Variants in FRMD4B observed in about 807,000 individuals in gnomAD.
FRMD4B encodes FERM domain containing 4B, also known as FERM domain-containing protein 4B.
FRMD4B carries 74 observed loss-of-function variants against 141.5 expected under a neutral mutation model. The observed-to-expected ratio is 0.52, with a 90% CI of 0.43 to 0.63. The LOEUF (loss-of-function observed/expected upper bound fraction) is 0.63. Ranked by LOEUF, FRMD4B falls within the 30% of genes least tolerant of loss-of-function variation. The pLI is 0.00. For missense variants in FRMD4B, 1,366 were observed against 1,253.4 expected (o/e 1.09, Z -1.36); for synonymous variants, 506 against 467.9 (o/e 1.08, Z -1.05).
chr3:69,379,646 T>C (rs1175395650), intron 1 of FRMD4B, among the ~76,000 whole-genome samples: 1 of 152,226 alleles, frequency 6.6e-6, no homozygotes, highest in Non-Finnish European at 1.5e-5. Flanking sequence ...GATAGAATTA[T>C]GGACTTTTCT....
intron 5 of FRMD4B, among the ~76,000 whole-genome samples, chr3:69,269,915 C>A (rs1050558429): frequency 6.6e-6 from 1 of 152,328 alleles, no homozygotes; most frequent in East Asian, 1.9e-4. Flanking sequence ...CCACTGTGCC[C>A]GGCCTCATGT....
At chr3:69,349,024 A>G (rs1159380999) in intron 1 of FRMD4B, among the ~76,000 whole-genome samples, 1 of 152,242 alleles carries the variant, frequency 6.6e-6, no homozygotes, top group South Asian at 2.1e-4. Flanking sequence ...GAAAAGAGGA[A>G]GTCAAATTGT....
At chr3:69,207,539 G>A (rs915764593) in intron 11 of FRMD4B, among the ~76,000 whole-genome samples, 6 of 151,886 alleles carry the variant, frequency 4.0e-5, no homozygotes, top group South Asian at 2.1e-4. Context: ...GTCAGGCACC[G>A]TGGCTCATGC....
intron 7 of FRMD4B, among the ~76,000 whole-genome samples, chr3:69,230,747 C>T (rs1430428926): frequency 2.1e-5 from 3 of 145,784 alleles, no homozygotes; most frequent in African/African-American, 7.7e-5. Context: ...GACTCTGCCT[C>T]GAAAAAAAAA....
chr3:69,419,248 A>G (rs561473282), intron 2 of FRMD4B, among the ~76,000 whole-genome samples: 2 of 152,334 alleles, frequency 1.3e-5, no homozygotes, highest in South Asian at 2.1e-4. Flanking sequence ...AATAAATTCA[A>G]TGAAGATGAA....
intron 2 of FRMD4B, among the ~76,000 whole-genome samples, chr3:69,410,114 C>A (rs551524727): frequency 3.9e-5 from 6 of 152,324 alleles, no homozygotes; most frequent in African/African-American, 1.4e-4. Context: ...AGACCCCTGG[C>A]TTGCTTCCCT....
chr3:69,514,572 C>T (rs1700720528), intron 1 of FRMD4B, among the ~76,000 whole-genome samples: 1 of 151,998 alleles, frequency 6.6e-6, no homozygotes. Flanking sequence ...CCTGTTGTCC[C>T]AGCTACTCAG....
At chr3:69,503,218 A>T (rs1706531797) in intron 1 of FRMD4B, among the ~76,000 whole-genome samples, 1 of 152,160 alleles carries the variant, frequency 6.6e-6, no homozygotes, top group African/African-American at 2.4e-5. Context: ...TCATGCTGCT[A>T]TAAAGACATA....
intron 1 of FRMD4B, among the ~76,000 whole-genome samples, chr3:69,528,368 T>C (rs1384067699): frequency 3.4e-5 from 5 of 147,826 alleles, no homozygotes; most frequent in African/African-American, 1.3e-4. Flanking sequence ...CTCTCTCTCT[T>C]TTTTTTCTTT....
Position 69,247,675 on chromosome 3 carries a change from G to A in FRMD4B, c.581+1551C>T, listed in dbSNP as rs571938691. Among the ~76,000 whole-genome samples the A allele has an allele frequency of 1.4e-4, 21 of 152,156 alleles. 1 individual carries two copies. The highest frequency in any genetic ancestry group is 4.8e-4 in the African/African-American group (20 of 41,522). On this transcript the variant is annotated intron_variant, in intron 7 of 22. Coordinates refer to ENST00000398540, the MANE Select transcript of FRMD4B (RefSeq NM_015123.3). Reference sequence around the variant, plus strand: ...CTAATTTTCTTTTTTTTGAGACGGAGTCTCGCTCTTTTGCCCAGGCCGGAC... The same window carrying A: ...CTAATTTTCTTTTTTTTGAGACGGAATCTCGCTCTTTTGCCCAGGCCGGAC...
At chr3:69,276,279 C>G (rs2093617431) in intron 5 of FRMD4B, among the ~76,000 whole-genome samples, 1 of 152,108 alleles carries the variant, frequency 6.6e-6, no homozygotes, top group Admixed American at 6.6e-5. Flanking sequence ...GATGTACTCT[C>G]TTTTTTTGAG....
chr3:69,375,264 CCCATCCAT>C (rs1217452208), intron 1 of FRMD4B, among the ~76,000 whole-genome samples: 6 of 10,456 alleles, frequency 5.7e-4, no homozygotes, highest in African/African-American at 1.1e-3. Context: ...TCCACCCCAT[CCCATCCAT>C]CCATCCATCC....
rs535678534 is a variant in FRMD4B, at chr3:69,250,259, ATT to A, written c.502-162_502-161del. 278 of 678,956 alleles carry A rather than the reference ATT, an allele frequency of 4.1e-4. No individual in the cohort carries two copies. In the African/African-American group the frequency reaches 4.3e-3, roughly 11 times the overall value. The allele number at this position is 678,956 out of a possible 1,614,324, so 42.1% of individuals were successfully genotyped here. A position where few individuals can be genotyped will look rare whatever the true frequency, so the allele number is the denominator to read the frequency against. Reference sequence around the variant, plus strand: ...GAAAGTGGGGGGTGTGGAGAGACTCATTGAGGGTTAAGGCGAAACCACTGTGT... The same window carrying A: ...GAAAGTGGGGGGTGTGGAGAGACTCAGAGGGTTAAGGCGAAACCACTGTGT... On this transcript the variant is annotated intron_variant, in intron 5 of 22. Coordinates refer to ENST00000398540, the MANE Select transcript of FRMD4B (RefSeq NM_015123.3).
chr3:69,190,744 C>G (rs1003335529), intron 17 of FRMD4B, among the ~76,000 whole-genome samples: 4 of 152,130 alleles, frequency 2.6e-5, no homozygotes, highest in Non-Finnish European at 4.4e-5. Flanking sequence ...TCAACAGTGG[C>G]ACTACTGACA....
At chr3:69,405,037 C>T (rs1157577299) in intron 2 of FRMD4B, among the ~76,000 whole-genome samples, 2 of 152,096 alleles carry the variant, frequency 1.3e-5, no homozygotes, top group African/African-American at 2.4e-5. Flanking sequence ...GCTCTTTGCT[C>T]GCGAATGATG....
At chr3:69,469,467 G>A (rs770189200) in intron 1 of FRMD4B, among the ~76,000 whole-genome samples, 4 of 152,118 alleles carry the variant, frequency 2.6e-5, no homozygotes, top group Non-Finnish European at 4.4e-5. Flanking sequence ...TTCTTTTTAG[G>A]TGAATCCCAG....
chr3:69,439,061 A>G (rs73109500), intron 1 of FRMD4B, among the ~76,000 whole-genome samples: 3 of 150,568 alleles, frequency 2.0e-5, no homozygotes, highest in East Asian at 2.0e-4. Context: ...GTGTGTGTGT[A>G]TGTGTGTGTG....
intron 2 of FRMD4B, among the ~76,000 whole-genome samples, chr3:69,400,408 T>G (rs1455240266): frequency 6.6e-6 from 1 of 151,838 alleles, no homozygotes; most frequent in Non-Finnish European, 1.5e-5. Context: ...GTGTACCATT[T>G]AGAAGAAAAT....
At chr3:69,490,216 T>C (rs745861746) in intron 1 of FRMD4B, among the ~76,000 whole-genome samples, 2 of 152,182 alleles carry the variant, frequency 1.3e-5, no homozygotes, top group African/African-American at 2.4e-5. Flanking sequence ...GAACAAACAT[T>C]TTAAATGAGA....
Sources: gnomAD v4.1 joint callset for allele counts (sites outside exome capture counted in the v4.1 genomes callset) on GRCh38, gnomAD v4.1.1 for gene constraint, MANE v1.5 for transcripts, NCBI Gene and HGNC (gene_info 2026-07-23, HGNC 2026-07-21) for gene names.